The following PPP1R9A variants were observed in gnomAD, a reference collection of about 807,000 sequenced individuals.
PPP1R9A encodes the protein neurabin-1.
PPP1R9A carries 59 observed loss-of-function variants against 141.9 expected under a neutral mutation model. The observed-to-expected ratio is 0.42, with a 90% CI of 0.34 to 0.52. The LOEUF is 0.52. PPP1R9A is among the 20% of genes least tolerant of loss of function. The pLI, the probability that PPP1R9A is intolerant of heterozygous loss-of-function variation, is 0.10. For synonymous variants in PPP1R9A, 500 were observed against 569.7 expected, an observed-to-expected ratio of 0.88 and a Z score of 1.74; for missense variants, 1,444 against 1,611.9, an observed-to-expected ratio of 0.90 and a Z score of 1.78.
chr7:95,215,203 G>C (rs1203239505), intron 7 of PPP1R9A, among the ~76,000 whole-genome samples: 1 of 140,684 alleles, frequency 7.1e-6, no homozygotes, highest in Non-Finnish European at 1.5e-5. Flanking sequence ...TCCCACCTAT[G>C]AATGAGAACA....
chr7:95,222,497 AC>A (rs1165337347), intron 7 of PPP1R9A, among the ~76,000 whole-genome samples: 1 of 151,924 alleles, frequency 6.6e-6, no homozygotes, highest in Admixed American at 6.6e-5. Context: ...TTCATTTTTT[AC>A]CCCTTTGTGT....
rs1479006267 is a variant in PPP1R9A at position 95,250,226 on chromosome 7, A to G, written c.2367A>G (p.Ala789=). Residue 789 remains alanine (A), a synonymous_variant, in exon 10 of 20, where the codon GCA becomes GCG. Coordinates refer to ENST00000433360, the MANE Select transcript of PPP1R9A (RefSeq NM_001166160.2). ...CCTTGGAAAAGAAATACAACAAGGC[A>G]AAGAAGTTGATCAAGGATTTTCAAC... The part of the protein sequence containing the change: ...YQALEKKYNK[A]KKLIKDFQQK... 1 of 1,609,864 alleles carries G rather than the reference A, an allele frequency of 6.2e-7. No homozygotes were observed. The highest frequency in any genetic ancestry group is 8.5e-7 in the Non-Finnish European group (1 of 1,178,986).
intron 2 of PPP1R9A, among the ~76,000 whole-genome samples, chr7:95,042,727 G>A (rs1809434508): frequency 6.6e-6 from 1 of 152,034 alleles, no homozygotes; most frequent in African/African-American, 2.4e-5. Context: ...TAGTCAATAG[G>A]TTATTTTTAT....
intron 2 of PPP1R9A, among the ~76,000 whole-genome samples, chr7:95,091,300 AGAGT>A (rs1225595499): frequency 1.4e-5 from 2 of 145,826 alleles, no homozygotes; most frequent in African/African-American, 5.0e-5. Flanking sequence ...ACAGTGTATT[AGAGT>A]GAGTTGGTCT....
Position 95,269,261 on chromosome 7 carries a change from G to A in PPP1R9A, c.2878G>A (p.Gly960Ser). 6.4e-7 allele frequency: 1 copy of A among 1,573,996 alleles called. No individual in the cohort carries two copies. The highest frequency in any genetic ancestry group is 8.6e-7 in the Non-Finnish European group (1 of 1,157,074). The change falls in exon 14 of 20, where the codon GGT becomes AGT. Residue 960 changes from glycine to serine, a missense_variant. This residue lies in a region of PPP1R9A where 459 missense variants were observed against 513.8 expected (regional missense o/e 0.89). Transcript: ENST00000433360. The stretch of plus-strand genomic sequence containing the variant: ...TATTACCAAATTACTTCCACCTAAG[G>A]GTTTGAGAACGTCTTCTCCAGAATC... ...MHITKLLPPKGLRTSSPESDS... is the reference protein window; with the variant it reads ...MHITKLLPPKSLRTSSPESDS...
chr7:95,046,625 C>T (rs1257415296), intron 2 of PPP1R9A, among the ~76,000 whole-genome samples: 1 of 152,142 alleles, frequency 6.6e-6, no homozygotes, highest in African/African-American at 2.4e-5. Context: ...TAGAGGCCTG[C>T]ATGGGTAATA....
chr7:95,134,366 C>A (rs1383326382), intron 4 of PPP1R9A, among the ~76,000 whole-genome samples: 1 of 152,120 alleles, frequency 6.6e-6, no homozygotes, highest in Non-Finnish European at 1.5e-5. Flanking sequence ...ATACCTAATG[C>A]ATGCTGGGCT....
intron 2 of PPP1R9A, among the ~76,000 whole-genome samples, chr7:95,107,570 T>G (rs947207840): frequency 6.6e-6 from 1 of 152,134 alleles, no homozygotes; most frequent in African/African-American, 2.4e-5. Context: ...GTTTTTCAGA[T>G]AGGTATCTAA....
chr7:95,210,051 G>A (rs987946584), intron 7 of PPP1R9A, among the ~76,000 whole-genome samples: 9 of 152,078 alleles, frequency 5.9e-5, no homozygotes, highest in African/African-American at 1.2e-4. Context: ...TTGGTCTGTC[G>A]ACCGTTTAGT....
intron 2 of PPP1R9A, among the ~76,000 whole-genome samples, chr7:95,081,145 C>A (rs1815763433): frequency 1.3e-5 from 2 of 151,878 alleles, no homozygotes; most frequent in South Asian, 4.2e-4. Flanking sequence ...ATAATTTAAC[C>A]ACATCCCAGA....
chr7:94,979,115 GAT>G (rs1330186658), intron 2 of PPP1R9A, among the ~76,000 whole-genome samples: 1 of 152,176 alleles, frequency 6.6e-6, no homozygotes, highest in African/African-American at 2.4e-5. Context: ...CATTTGTAGT[GAT>G]AGAATTTGAG....
rs138163934 is a variant in PPP1R9A, at chr7:95,232,374, A to C, written c.2112+6258A>C. Among the ~76,000 whole-genome samples the C allele has an allele frequency of 7.1e-3, 1,077 of 152,330 alleles. 26 individuals are homozygous for C. Among genetic ancestry groups the C allele is most frequent in the Admixed American group, 0.04 (606 of 15,288 alleles). ...TACACCTTATACAAAAATTATTTCA[A>C]GATGGATTAAAGACTTAAACGTAAC... On this transcript the variant is annotated intron_variant, in intron 8 of 19. Coordinates refer to ENST00000433360, the MANE Select transcript of PPP1R9A (RefSeq NM_001166160.2).
intron 2 of PPP1R9A, among the ~76,000 whole-genome samples, chr7:94,927,521 A>G (rs763991342): frequency 3.3e-5 from 5 of 152,222 alleles, no homozygotes; most frequent in Admixed American, 6.5e-5. Context: ...TAAATCGCCT[A>G]TTATTCAAGT....
At chr7:94,966,640 C>G (rs1457250864) in intron 2 of PPP1R9A, among the ~76,000 whole-genome samples, 1 of 152,146 alleles carries the variant, frequency 6.6e-6, no homozygotes, top group African/African-American at 2.4e-5. Context: ...TGTGTTGAAC[C>G]AGCCTTGCAT....
intron 8 of PPP1R9A, among the ~76,000 whole-genome samples, chr7:95,238,199 A>G (rs1796970084): frequency 6.6e-6 from 1 of 152,152 alleles, no homozygotes; most frequent in African/African-American, 2.4e-5. Context: ...ACTTTTTACA[A>G]AATAATTAGT....
chr7:95,276,777 G>A (rs989532061), intron 16 of PPP1R9A, among the ~76,000 whole-genome samples: 8 of 151,686 alleles, frequency 5.3e-5, no homozygotes, highest in Admixed American at 2.0e-4. Flanking sequence ...AACAAGGAAA[G>A]AAGAAGGACA....
intron 7 of PPP1R9A, among the ~76,000 whole-genome samples, chr7:95,221,308 A>G (rs1794423782): frequency 6.6e-6 from 1 of 152,118 alleles, no homozygotes; most frequent in African/African-American, 2.4e-5. Context: ...AAAAGATTAA[A>G]GCTTAGATAT....
At chr7:95,219,263 A>C (rs1392797321) in intron 7 of PPP1R9A, among the ~76,000 whole-genome samples, 1 of 152,092 alleles carries the variant, frequency 6.6e-6, no homozygotes, top group Non-Finnish European at 1.5e-5. Flanking sequence ...TCTGGGTTTA[A>C]AATTCTTTTC....
intron 3 of PPP1R9A, among the ~76,000 whole-genome samples, chr7:95,116,865 AG>A (rs770890957): frequency 8.5e-5 from 13 of 152,200 alleles, no homozygotes; most frequent in Admixed American, 2.0e-4. Flanking sequence ...AGTATGTGTG[AG>A]AATTTAATAT....
Sources: gnomAD v4.1 joint callset for allele counts (sites outside exome capture counted in the v4.1 genomes callset) on GRCh38, gnomAD v4.1.1 for gene constraint, gnomAD v4.1.1 regional missense constraint, MANE v1.5 for transcripts, NCBI Gene and HGNC (gene_info 2026-07-23, HGNC 2026-07-21) for gene names.